The following MCF2 variants were observed in gnomAD, a reference collection of about 807,000 sequenced individuals.
The protein encoded by MCF2 is MCF.2 cell line derived transforming sequence, also known as proto-oncogene DBL.
Under a neutral mutation model 82.5 loss-of-function variants are expected in MCF2, and 44 were observed. That is an observed-to-expected ratio of 0.53 (90% CI 0.42 to 0.69). The LOEUF is 0.69. MCF2 is among the 30% of genes least tolerant of loss of function. The probability of loss-of-function intolerance (pLI) is 0.00; values close to 1 mark genes in which losing one functional copy is unlikely to be tolerated. For missense variants in MCF2, 623 were observed against 663.1 expected (o/e 0.94, Z 0.66); for synonymous variants, 217 against 224.9 (o/e 0.96, Z 0.32).
intron 1 of MCF2, among the ~76,000 whole-genome samples, chrX:139,674,737 T>C (rs1189502619): frequency 8.9e-6 from 1 of 111,884 alleles, no homozygotes; most frequent in Non-Finnish European, 1.9e-5. Context: ...CCAACCTTTC[T>C]CTCTGGCTGC....
chrX:139,634,790 A>G (rs1933107316), intron 1 of MCF2, among the ~76,000 whole-genome samples: 1 of 111,452 alleles, frequency 9.0e-6, no homozygotes, highest in South Asian at 3.8e-4. Flanking sequence ...CACAATGATT[A>G]ATAGTGATTA....
At chrX:139,583,380 A>C (rs1928639169) in intron 24 of MCF2, among the ~76,000 whole-genome samples, 1 of 111,966 alleles carries the variant, frequency 8.9e-6, no homozygotes, top group Non-Finnish European at 1.9e-5. Context: ...GGTAAATATC[A>C]ATAGATGTAA....
intron 1 of MCF2, among the ~76,000 whole-genome samples, chrX:139,685,880 T>C (rs1042497313): frequency 5.4e-5 from 6 of 111,121 alleles, no homozygotes; most frequent in African/African-American, 1.6e-4. Context: ...GCAAATAGAA[T>C]CCAGCAGTAT....
chrX:139,651,542 T>C (rs2148527202), intron 2 of MCF2, among the ~76,000 whole-genome samples, 178 bp downstream of exon 2: 1 of 112,014 alleles, frequency 8.9e-6, no homozygotes, highest in South Asian at 3.7e-4. Flanking sequence ...TCTCTAAATG[T>C]CCATTTGTTT....
At chrX:139,689,576 C>A (rs764914139) in intron 1 of MCF2, among the ~76,000 whole-genome samples, 6 of 109,504 alleles carry the variant, frequency 5.5e-5, no homozygotes, top group Non-Finnish European at 1.1e-4. Context: ...CCATATTTTA[C>A]ACTCCAGTCA....
chrX:139,590,757 A>T (rs1196060648), intron 19 of MCF2, among the ~76,000 whole-genome samples: 1 of 109,980 alleles, frequency 9.1e-6, no homozygotes, highest in African/African-American at 3.3e-5. Context: ...GGAGTATCTC[A>T]CTCTCTGTTC....
chrX:139,654,642 G>A (rs1362027265), intron 1 of MCF2, among the ~76,000 whole-genome samples: 1 of 111,495 alleles, frequency 9.0e-6, no homozygotes, highest in East Asian at 2.8e-4. Flanking sequence ...AAGCTTTTTA[G>A]CTTGATGTGA....
At chrX:139,660,423 T>C (rs1434833047) in intron 1 of MCF2, among the ~76,000 whole-genome samples, 1 of 112,497 alleles carries the variant, frequency 8.9e-6, no homozygotes, top group African/African-American at 3.2e-5. Context: ...GAAAGTTCCC[T>C]ACTTCTGATG....
intron 1 of MCF2, among the ~76,000 whole-genome samples, chrX:139,638,595 C>T (rs1366778989): frequency 1.8e-5 from 2 of 111,530 alleles, no homozygotes; most frequent in African/African-American, 6.5e-5. Context: ...CCCAGCATTG[C>T]CAACTCTTTG....
At chrX:139,588,470 G>C in intron 20 of MCF2, 32 bp from the exon 25 acceptor site, 8 of 892,726 alleles carry the variant, frequency 9.0e-6, no homozygotes, top group Non-Finnish European at 1.1e-5. Flanking sequence ...GGAGGGAGGT[G>C]GTACACATTT....
chrX:139,668,441 G>A (rs1289627171), intron 1 of MCF2, among the ~76,000 whole-genome samples: 1 of 111,297 alleles, frequency 9.0e-6, no homozygotes, highest in Non-Finnish European at 1.9e-5. Flanking sequence ...CCTTATGTTT[G>A]TTTCAGGCTT....
chrX:139,631,610 C>A, intron 2 of MCF2, 99 bp from the exon 6 acceptor site: 1 of 515,317 alleles, frequency 1.9e-6, no homozygotes, highest in Admixed American at 2.5e-5. Context: ...CAGAAAGTTA[C>A]CTCTGATAAA....
At chrX:139,694,502 G>T (rs959828218) in intron 1 of MCF2, among the ~76,000 whole-genome samples, 1 of 109,904 alleles carries the variant, frequency 9.1e-6, no homozygotes, top group Non-Finnish European at 1.9e-5. Context: ...TATAAGGATA[G>T]ACTTATAGAT....
intron 16 of MCF2, among the ~76,000 whole-genome samples, chrX:139,600,403 T>C (rs779229242): frequency 3.3e-4 from 37 of 111,685 alleles, no homozygotes; most frequent in Admixed American, 1.2e-3. Flanking sequence ...GTGCCTTCTC[T>C]TCCCTTCCTT....
chrX:139,627,718 C>A (rs1326377529), intron 4 of MCF2, among the ~76,000 whole-genome samples: 2 of 111,876 alleles, frequency 1.8e-5, no homozygotes, highest in Admixed American at 1.9e-4. Context: ...TGCCTCATTT[C>A]ATCTTCACAG....
chrX:139,596,150 ACT>A (rs1427418549), intron 19 of MCF2, among the ~76,000 whole-genome samples: 2 of 110,352 alleles, frequency 1.8e-5, no homozygotes, highest in African/African-American at 6.6e-5. Context: ...AAAGGAGGAA[ACT>A]CTTTCCTCCC....
Position 139,678,846 on chromosome X carries a change from C to T in MCF2, c.-44-27058G>A, listed in dbSNP as rs150638555. ...CAATAGCAAGCACTTATATGTGCAA[C>T]AACATCATTACAGATGTGTTTTGGT... On this transcript the variant is annotated intron_variant, in intron 1 of 27. Coordinates refer to the MCF2 transcript ENST00000414978. Among the ~76,000 whole-genome samples the T allele has an allele frequency of 6.4e-3, 722 of 112,401 alleles. 5 individuals carry two copies. The highest frequency in any genetic ancestry group is 0.021 in the African/African-American group (650 of 31,025).
chrX:139,593,175 T>C (rs1045467857), intron 19 of MCF2, among the ~76,000 whole-genome samples: 17 of 112,239 alleles, frequency 1.5e-4, no homozygotes, highest in African/African-American at 5.5e-4. Flanking sequence ...TTTATTTGCA[T>C]AGAGGTGTTT....
intron 1 of MCF2, among the ~76,000 whole-genome samples, chrX:139,661,630 T>C (rs1238121235): frequency 1.8e-5 from 2 of 111,752 alleles, no homozygotes; most frequent in East Asian, 2.8e-4. Context: ...TATTCTAAGA[T>C]GCTAAGTACT....
Sources: allele counts gnomAD v4.1 joint callset (sites outside exome capture counted in the v4.1 genomes callset), GRCh38; gene constraint gnomAD v4.1.1; transcripts MANE v1.5; gene names NCBI Gene and HGNC (gene_info 2026-07-23, HGNC 2026-07-21).